The following MIER2 variants were observed in gnomAD, a reference collection of about 807,000 sequenced individuals.
MIER2 encodes mesoderm induction early response protein 2.
A neutral mutation model predicts 67.6 loss-of-function variants in MIER2; 30 were observed. The ratio of observed to expected loss-of-function variants is 0.44; its 90% CI spans 0.33 to 0.60. The LOEUF is 0.60. MIER2 is among the 20% of genes least tolerant of loss of function. MIER2 has a pLI of 0.02. For synonymous variants in MIER2, 372 were observed against 312.6 expected, an observed-to-expected ratio of 1.19 and a Z score of -2.00; for missense variants, 702 against 745.1, an observed-to-expected ratio of 0.94 and a Z score of 0.67.
chr19:318,832 A>T (rs1359492804), intron 7 of MIER2, among the ~76,000 whole-genome samples: 2 of 151,912 alleles, frequency 1.3e-5, no homozygotes, highest in Admixed American at 6.6e-5. Flanking sequence ...CGAGGCGGGC[A>T]GATCATGAGG....
At chr19:322,329 A>C (rs1298480550) in intron 7 of MIER2, among the ~76,000 whole-genome samples, 4 of 152,202 alleles carry the variant, frequency 2.6e-5, no homozygotes, top group Admixed American at 1.3e-4. Flanking sequence ...AACACTCCTT[A>C]AGTAGAACAC....
chr19:338,932 G>A (rs921918519), intron 1 of MIER2, among the ~76,000 whole-genome samples: 1 of 151,854 alleles, frequency 6.6e-6, no homozygotes, highest in African/African-American at 2.4e-5. Context: ...TTAAATATAA[G>A]AGCCAAAACC....
chr19:320,108 C>T (rs1971436806), intron 7 of MIER2, among the ~76,000 whole-genome samples: 1 of 152,118 alleles, frequency 6.6e-6, no homozygotes, highest in South Asian at 2.1e-4. Flanking sequence ...GGTGCAGTGG[C>T]TCATGAGTGT....
chr19:335,394 T>G (rs1972197837), intron 2 of MIER2, among the ~76,000 whole-genome samples: 1 of 151,816 alleles, frequency 6.6e-6, no homozygotes. Flanking sequence ...CTCGTTAGAG[T>G]GAGGGAATGA....
chr19:317,422 G>A (rs1412134703), intron 7 of MIER2, among the ~76,000 whole-genome samples: 1 of 142,260 alleles, frequency 7.0e-6, no homozygotes, highest in Non-Finnish European at 1.6e-5. Context: ...AGCTACTCAG[G>A]AGGCTGAAGC....
chr19:327,074 A>G lies in MIER2; in HGVS notation c.493+59T>C, dbSNP rs1282357170. On this transcript the variant is annotated intron_variant, in intron 5 of 13. Coordinates refer to ENST00000264819, the MANE Select transcript of MIER2 (RefSeq NM_017550.3). The stretch of plus-strand genomic sequence containing the variant: ...TCAGCCCAAGGACCCTTCATCAAGC[A>G]TCACGACTGCCTGGCAGGGGGCCTG... 8.4e-6 allele frequency: 13 copies of G among 1,541,966 alleles called. No individual in the cohort carries two copies. In the East Asian group the frequency reaches 3.0e-4, roughly 35 times the overall value.
intron 3 of MIER2, among the ~76,000 whole-genome samples, chr19:333,627 C>A (rs1041809861): frequency 1.3e-5 from 1 of 75,400 alleles, no homozygotes; most frequent in East Asian, 3.6e-4. Flanking sequence ...GATTCTCCTG[C>A]CTCAGCCTCC....
chr19:307,056 C>A, intron 13 of MIER2, 63 bp downstream of exon 13: 1 of 1,506,230 alleles, frequency 6.6e-7, no homozygotes, highest in Admixed American at 2.0e-5. Flanking sequence ...CTCTGCTCAG[C>A]CTGAGGGCTG....
chr19:334,684 G>A, intron 2 of MIER2, 142 bp from the exon 3 acceptor site: 1 of 1,128,272 alleles, frequency 8.9e-7, no homozygotes, highest in South Asian at 1.6e-5. Flanking sequence ...GAACCCAACA[G>A]GACACCCCAC....
intron 7 of MIER2, among the ~76,000 whole-genome samples, chr19:322,824 G>A (rs1192513035): frequency 6.6e-6 from 1 of 152,188 alleles, no homozygotes; most frequent in Non-Finnish European, 1.5e-5. Context: ...GCACACGAGG[G>A]CATTCACAGC....
chr19:329,476 C>G (rs1568232897), intron 3 of MIER2, among the ~76,000 whole-genome samples: 1 of 152,190 alleles, frequency 6.6e-6, no homozygotes, highest in Non-Finnish European at 1.5e-5. Context: ...GATAGTGCAG[C>G]ATTGGCAGCC....
At chr19:344,354 C>T (rs1163911827) in intron 1 of MIER2, 2 of 984,874 alleles carry the variant, frequency 2.0e-6, no homozygotes, top group African/African-American at 3.5e-5. Flanking sequence ...CCCCAGCACT[C>T]GGCAAAGTTG....
chr19:313,346 G>T (rs997132926), intron 8 of MIER2, 146 bp downstream of exon 8: 11 of 1,311,924 alleles, frequency 8.4e-6, no homozygotes, highest in Non-Finnish European at 1.0e-5. Flanking sequence ...TCTGACCTGA[G>T]TAGCTGTTCC....
intron 13 of MIER2, 84 bp downstream of exon 13, chr19:307,035 C>T (rs1970680568): frequency 6.9e-7 from 1 of 1,458,346 alleles, no homozygotes; most frequent in Admixed American, 2.3e-5. Flanking sequence ...GGGCAAATGC[C>T]TCCCACCCTC....
intron 7 of MIER2, among the ~76,000 whole-genome samples, chr19:324,824 A>G (rs12459669): frequency 0.24 from 36,728 of 152,160 alleles, 5,118 homozygotes; most frequent in East Asian, 0.65. Flanking sequence ...CAGACTCCAA[A>G]GCCAGGGTTT....
chr19:323,918 T>G (rs560419928), intron 7 of MIER2, among the ~76,000 whole-genome samples: 1 of 115,804 alleles, frequency 8.6e-6, no homozygotes, highest in African/African-American at 3.4e-5. Context: ...TCGAAGGACA[T>G]AGGCGTCATC....
chr19:329,415 T>G (rs1465241717), intron 3 of MIER2, among the ~76,000 whole-genome samples: 3 of 152,198 alleles, frequency 2.0e-5, no homozygotes, highest in African/African-American at 7.2e-5. Flanking sequence ...GACCCTTTCC[T>G]AAGAGCACTC....
chr19:311,724 G>A, intron 10 of MIER2, 121 bp downstream of exon 10: 1 of 864,970 alleles, frequency 1.2e-6, no homozygotes, highest in Non-Finnish European at 1.8e-6. Flanking sequence ...ACACGGTGAG[G>A]AGGCGGACAC....
At position 318,783 on chromosome 19, in the gene MIER2, G is replaced by A. The variant is rs563289721; in HGVS notation, c.656-5140C>T. On this transcript the variant is annotated intron_variant, in intron 7 of 13. Coordinates refer to ENST00000264819, the MANE Select transcript of MIER2 (RefSeq NM_017550.3). ...AAAAATCAGTAAAAGGAGGCTGGGCGCGGTGGCTCACACCTGTAATCCCAA... is the reference window on the plus strand; with the variant it reads ...AAAAATCAGTAAAAGGAGGCTGGGCACGGTGGCTCACACCTGTAATCCCAA... Among the ~76,000 whole-genome samples the A allele has an allele frequency of 1.2e-3, 178 of 152,248 alleles. No homozygotes were observed. In the South Asian group the frequency reaches 0.022, roughly 19 times the overall value.
Sources: gnomAD v4.1 joint callset for allele counts (sites outside exome capture counted in the v4.1 genomes callset) on GRCh38, gnomAD v4.1.1 for gene constraint, MANE v1.5 for transcripts, NCBI Gene and HGNC (gene_info 2026-07-23, HGNC 2026-07-21) for gene names.